The following SEMA7A variants were observed in gnomAD, a reference collection of about 807,000 sequenced individuals.
The protein encoded by SEMA7A is semaphorin-7A.
SEMA7A carries 21 observed loss-of-function variants against 67.5 expected under a neutral mutation model. The ratio of observed to expected loss-of-function variants is 0.31; its 90% CI spans 0.22 to 0.45. SEMA7A has a LOEUF of 0.45. SEMA7A is among the 20% of genes least tolerant of loss of function. SEMA7A has a pLI of 1.00. For missense variants in SEMA7A, 774 were observed against 908.6 expected (o/e 0.85, Z 1.90); for synonymous variants, 364 against 368.5 (o/e 0.99, Z 0.14).
rs759552404 is a variant in SEMA7A, at chr15:74,433,818, AGCAGCC to A, written c.95_100del (p.Arg32_Leu33del). The A allele has an allele frequency of 5.8e-6, 8 of 1,375,658 alleles. No homozygotes were observed. Among genetic ancestry groups the A allele is most frequent in the African/African-American group, 1.5e-5 (1 of 65,916 alleles). The allele number at this position is 1,375,658 out of a possible 1,614,324, so 85.2% of individuals were successfully genotyped here. On this transcript the variant is annotated inframe_deletion, in exon 1 of 14. Transcript: ENST00000261918. ...GGCGGCGGCCGCCCAGAGCAGCAGC[AGCAGCC>A]GCAGCCGCAGCGGAAGCCCCAACCG...
At chr15:74,433,013 C>G (rs959535108) in intron 1 of SEMA7A, among the ~76,000 whole-genome samples, 1 of 152,186 alleles carries the variant, frequency 6.6e-6, no homozygotes, top group Non-Finnish European at 1.5e-5. Flanking sequence ...GGGGTCCCAA[C>G]GGCCGTGCCC....
chr15:74,427,674 G>A (rs1339410817), intron 1 of SEMA7A, among the ~76,000 whole-genome samples: 2 of 152,038 alleles, frequency 1.3e-5, no homozygotes, highest in Admixed American at 1.3e-4. Context: ...CCCACCCTAT[G>A]CTCCTGCCCC....
chr15:74,410,174 C>T lies in SEMA7A; in HGVS notation c.*450G>A, dbSNP rs181428928. The T allele has an allele frequency of 5.1e-3, 825 of 162,460 alleles. 8 individuals carry two copies. Among genetic ancestry groups the T allele is most frequent in the African/African-American group, 0.019 (788 of 41,796 alleles). 10.1% of individuals were successfully genotyped at this position (162,460 alleles called of 1,614,324 possible). ...CCTGGGTCTTCAGGAACACCAGCCA[C>T]CCAGCCATGAGAGAGGGAGGGGAAG... On this transcript the variant is annotated 3_prime_UTR_variant, in exon 14 of 14. Coordinates refer to ENST00000261918, the MANE Select transcript of SEMA7A (RefSeq NM_003612.5). The surrounding 1 kb of genome is among the most constrained non-coding windows in gnomAD (Gnocchi z 7.5).
rs766275578 is a variant in SEMA7A at position 74,417,473 on chromosome 15, T to A, written c.551-28A>T. ...GGGGTCAGTGGGAGGGAGAAATGAG[T>A]AAGGGCAGGCAGCTCCTGGAAGTCC... On this transcript the variant is annotated intron_variant, in intron 5 of 13. Coordinates refer to ENST00000261918, the MANE Select transcript of SEMA7A (RefSeq NM_003612.5). 9.2e-5 allele frequency: 147 copies of A among 1,600,596 alleles called. 1 individual carries two copies. Among genetic ancestry groups the A allele is most frequent in the Non-Finnish European group, 1.5e-5 (18 of 1,168,450 alleles).
Position 74,414,760 on chromosome 15 carries a change from C to A in SEMA7A, c.1096-15G>T. On this transcript the variant is annotated splice_polypyrimidine_tract_variant and intron_variant, in intron 9 of 13. Coordinates refer to ENST00000261918, the MANE Select transcript of SEMA7A (RefSeq NM_003612.5). The surrounding 1 kb of genome is among the most constrained non-coding windows in gnomAD (Gnocchi z 4.1). The stretch of plus-strand genomic sequence containing the variant: ...TCTGGGAGGCACTGGGCAAGGAGAG[C>A]AGGCCCAGGTCAGTGGGGTGGTGGG... 3 of 1,614,066 alleles carry A rather than the reference C, an allele frequency of 1.9e-6. No individual in the cohort carries two copies. Among genetic ancestry groups the A allele is most frequent in the Non-Finnish European group, 2.5e-6 (3 of 1,180,020 alleles).
chr15:74,422,784 C>T (rs1475248040), intron 1 of SEMA7A, among the ~76,000 whole-genome samples: 1 of 152,250 alleles, frequency 6.6e-6, no homozygotes, highest in African/African-American at 2.4e-5. Flanking sequence ...AAGTCTGGGC[C>T]TCTGGCATGC....
rs1257650463 is a variant in SEMA7A, at chr15:74,417,923, A to C, written c.419T>G (p.Leu140Arg). 3 of 1,613,368 alleles carry C rather than the reference A, an allele frequency of 1.9e-6. No individual in the cohort carries two copies. Among genetic ancestry groups the C allele is most frequent in the Admixed American group, 3.3e-5 (2 of 60,028 alleles). The change falls in exon 4 of 14, where the codon CTG (leucine) becomes CGG (arginine). Residue 140 changes from leucine to arginine, a missense_variant. By Grantham distance (102) the Leu-to-Arg change is moderately radical (BLOSUM62 -2). Transcript: ENST00000261918. Reference protein sequence around the residue: ...ITLLERRSEGLLACGTNARHP... With the variant: ...ITLLERRSEGRLACGTNARHP... Reference sequence around the variant, plus strand: ...CCGGGCGTTGGTGCCACAGGCCAGCAGCCCCTCACTCCGCCTCTCCAGGAG... The same window carrying C: ...CCGGGCGTTGGTGCCACAGGCCAGCCGCCCCTCACTCCGCCTCTCCAGGAG...
At chr15:74,430,662 G>A (rs2141293211) in intron 1 of SEMA7A, among the ~76,000 whole-genome samples, 1 of 152,338 alleles carries the variant, frequency 6.6e-6, no homozygotes, top group Admixed American at 6.5e-5. Flanking sequence ...ATCTCTCTTG[G>A]CTTAGGAAAC....
intron 1 of SEMA7A, among the ~76,000 whole-genome samples, chr15:74,428,055 A>T (rs2061057228): frequency 6.6e-6 from 1 of 152,226 alleles, no homozygotes; most frequent in Admixed American, 6.5e-5. Flanking sequence ...GGCTGTCATG[A>T]CAGTTAAAAC....
rs1311945799 is a variant in SEMA7A, at chr15:74,417,747, C to A, written c.466-72G>T. ...CTGCCTCCCATGACGGCCAGTTTCT[C>A]GGCCAGGAGCCCCATCCTCCCAGGG... On this transcript the variant is annotated intron_variant, in intron 4 of 13. Coordinates refer to ENST00000261918, the MANE Select transcript of SEMA7A (RefSeq NM_003612.5). 8 of 1,543,078 alleles carry A rather than the reference C, an allele frequency of 5.2e-6. No homozygotes were observed. In the South Asian group the frequency reaches 8.0e-5, roughly 15 times the overall value.
At chr15:74,428,627 C>A (rs191915759) in intron 1 of SEMA7A, among the ~76,000 whole-genome samples, 2 of 152,096 alleles carry the variant, frequency 1.3e-5, no homozygotes, top group Admixed American at 1.3e-4. Flanking sequence ...AGAGAGGAGG[C>A]GGAGCCAGGG....
At position 74,414,115 on chromosome 15, in the gene SEMA7A, T is replaced by A. The variant is rs969361473; in HGVS notation, c.1294+432A>T. On this transcript the variant is annotated intron_variant, in intron 10 of 13. Transcript: ENST00000261918. This position sits in a 1 kb window ranked among gnomAD's most constrained non-coding sequence, Gnocchi z 4.1. ...TTGTGCCCCATCAACTCCTCAAATG[T>A]TTCCTCTCACCTGCACAATCCCAAA... Among the ~76,000 whole-genome samples the A allele has an allele frequency of 6.6e-6, 1 of 152,140 alleles. No individual in the cohort carries two copies. The highest frequency in any genetic ancestry group is 2.4e-5 in the African/African-American group (1 of 41,428).
At chr15:74,421,544 T>C (rs565571102) in intron 1 of SEMA7A, among the ~76,000 whole-genome samples, 1 of 152,136 alleles carries the variant, frequency 6.6e-6, no homozygotes, top group East Asian at 1.9e-4. Flanking sequence ...TTCCTGGCCC[T>C]CCCACCTCTG....
rs953856411 is a variant in SEMA7A at position 74,418,098 on chromosome 15, G to A, written c.373-129C>T. 74 of 1,199,110 alleles carry A rather than the reference G, an allele frequency of 6.2e-5. No homozygotes were observed. The Admixed American group carries it at 1.4e-3, about 22-fold the overall frequency. The allele number at this position is 1,199,110 out of a possible 1,614,324, so 74.3% of individuals were successfully genotyped here. ...CTTAGCATAGGTGACAGCCTCCCGG[G>A]ACAGCCCAGAGTGTGTGCAGCTGAC... On this transcript the variant is annotated intron_variant, in intron 3 of 13. Coordinates refer to ENST00000261918, the MANE Select transcript of SEMA7A (RefSeq NM_003612.5).
rs143333292 is a variant in SEMA7A, at chr15:74,422,341, G to A, written c.179-3389C>T. ...TCCCCCCCTCACTCCCCAGCCTGAC[G>A]CATTAGTGGCTAAGTGGTAGCTAAA... On this transcript the variant is annotated intron_variant, in intron 1 of 13. Transcript: ENST00000261918. 4.2e-3 allele frequency among the ~76,000 whole-genome samples: 640 copies of A among 152,088 alleles called. 1 individual carries two copies. Among genetic ancestry groups the A allele is most frequent in the Non-Finnish European group, 6.4e-3 (437 of 67,968 alleles).
At position 74,409,880 on chromosome 15, in the gene SEMA7A, A is replaced by C. The variant is rs2060884551; in HGVS notation, c.*744T>G. 6.7e-6 allele frequency: 1 copy of C among 149,276 alleles called. No individual in the cohort carries two copies. Among genetic ancestry groups the C allele is most frequent in the Non-Finnish European group, 1.5e-5 (1 of 67,456 alleles). 9.2% of individuals were successfully genotyped at this position (149,276 alleles called of 1,614,324 possible). ...TCCAGACTCTTATCTCATCCCCGGG[A>C]GCCTCAGACTGGGATCACCCCCGCT... is the stretch of plus-strand genomic sequence containing the variant. On this transcript the variant is annotated 3_prime_UTR_variant, in exon 14 of 14. Transcript: ENST00000261918.
At chr15:74,432,881 C>T (rs1050332016) in intron 1 of SEMA7A, among the ~76,000 whole-genome samples, 1 of 152,082 alleles carries the variant, frequency 6.6e-6, no homozygotes, top group African/African-American at 2.4e-5. Context: ...CCCGCCTAAC[C>T]GGCTTTCTGT....
rs1163864968 is a variant in SEMA7A, at chr15:74,411,668, G to A, written c.1465C>T (p.Pro489Ser). ...VSSQWEVSQV[P>S]LDLCEVYGGG... The stretch of plus-strand genomic sequence containing the variant: ...CCATAGACCTCACACAGGTCCAGGG[G>A]CACCTGGCTCACCTCCCACTGGGAG... Residue 489 changes from proline (P) to serine (S), a missense_variant, in exon 12 of 14, where the codon CCC becomes TCC. This residue lies in a region of SEMA7A where 427 missense variants were observed against 555.4 expected (regional missense o/e 0.77). Transcript: ENST00000261918. The surrounding 1 kb of genome is among the most constrained non-coding windows in gnomAD (Gnocchi z 4.4). 5.0e-6 allele frequency: 8 copies of A among 1,613,498 alleles called. No homozygotes were observed. In the Admixed American group the frequency reaches 5.0e-5, roughly 10 times the overall value.
At chr15:74,422,316 T>TC (rs1013059363) in intron 1 of SEMA7A, among the ~76,000 whole-genome samples, 2 of 151,122 alleles carry the variant, frequency 1.3e-5, no homozygotes, top group Admixed American at 6.6e-5. Context: ...TGGCACCGTG[T>TC]CCCCCCCTCA....
Sources: allele counts gnomAD v4.1 joint callset (sites outside exome capture counted in the v4.1 genomes callset), GRCh38; gene constraint gnomAD v4.1.1; regional missense constraint gnomAD v4.1.1; non-coding constraint Gnocchi (gnomAD v3.1); transcripts MANE v1.5; gene names NCBI Gene and HGNC (gene_info 2026-07-23, HGNC 2026-07-21).